Variants in CNTNAP5 observed in about 807,000 individuals in gnomAD.
The protein encoded by CNTNAP5 is contactin associated protein family member 5, also known as contactin-associated protein-like 5.
A neutral mutation model predicts 150.2 loss-of-function variants in CNTNAP5; 72 were observed. That is an observed-to-expected ratio of 0.48 (90% CI 0.40 to 0.58). CNTNAP5 has a LOEUF of 0.58. CNTNAP5 is among the 20% of genes least tolerant of loss of function. The pLI is 0.00. For missense variants in CNTNAP5, 1,636 were observed against 1,626.2 expected (o/e 1.01, Z -0.10); for synonymous variants, 672 against 619.8 (o/e 1.08, Z -1.25).
chr2:124,177,585 G>A (rs530903418), intron 1 of CNTNAP5, among the ~76,000 whole-genome samples: 2 of 152,172 alleles, frequency 1.3e-5, no homozygotes, highest in East Asian at 3.9e-4. Context: ...CCCTATTTAT[G>A]TTGGTGGCTT....
In CNTNAP5 at chr2:124,582,595, G is replaced by C. The variant is rs1275222431; in HGVS notation, c.1756+19272G>C. 3.3e-5 allele frequency among the ~76,000 whole-genome samples: 5 copies of C among 152,100 alleles called. No individual in the cohort carries two copies. The South Asian group carries it at 6.2e-4, about 19-fold the overall frequency. The stretch of plus-strand genomic sequence containing the variant: ...GCTGCCAGCTTGTCTGGATGACCTT[G>C]GAAATGATCCAGTTCTGATGGCCTG... On this transcript the variant is annotated intron_variant, in intron 11 of 23. Coordinates refer to ENST00000682447, the MANE Select transcript of CNTNAP5 (RefSeq NM_001367498.1).
At chr2:124,275,523 A>T (rs961660695) in intron 3 of CNTNAP5, among the ~76,000 whole-genome samples, 3 of 152,026 alleles carry the variant, frequency 2.0e-5, no homozygotes, top group Non-Finnish European at 4.4e-5. Flanking sequence ...GTCCTGACAC[A>T]TTACCTCATT....
intron 5 of CNTNAP5, among the ~76,000 whole-genome samples, chr2:124,438,680 A>G (rs1052469210): frequency 2.6e-5 from 4 of 152,158 alleles, no homozygotes; most frequent in African/African-American, 9.7e-5. Context: ...TGAACATTTA[A>G]TTTAGCTCTT....
chr2:124,309,210 T>TG (rs1185729820), intron 3 of CNTNAP5, among the ~76,000 whole-genome samples: 3 of 152,204 alleles, frequency 2.0e-5, no homozygotes, highest in African/African-American at 7.2e-5. Context: ...CTTGCTGTAC[T>TG]GTACTAACCT....
At chr2:124,209,172 A>T (rs1415782585) in intron 1 of CNTNAP5, among the ~76,000 whole-genome samples, 2 of 152,102 alleles carry the variant, frequency 1.3e-5, no homozygotes, top group African/African-American at 4.8e-5. Context: ...GGCCCTACAC[A>T]ACCAGGCTCT....
intron 22 of CNTNAP5, among the ~76,000 whole-genome samples, chr2:124,911,261 C>T (rs1307894180): frequency 6.6e-6 from 1 of 151,896 alleles, no homozygotes; most frequent in Non-Finnish European, 1.5e-5. Context: ...ACAAACAGGG[C>T]CATTGAACTA....
At chr2:124,566,964 T>A (rs1425417500) in intron 11 of CNTNAP5, among the ~76,000 whole-genome samples, 1 of 152,216 alleles carries the variant, frequency 6.6e-6, no homozygotes, top group East Asian at 1.9e-4. Context: ...CTTGCTGTGT[T>A]TGAGGGATGT....
chr2:124,399,933 A>G (rs1364448843), intron 3 of CNTNAP5, among the ~76,000 whole-genome samples: 1 of 152,030 alleles, frequency 6.6e-6, no homozygotes, highest in Admixed American at 6.6e-5. Flanking sequence ...CTAAACTATA[A>G]CGTCATACCA....
intron 11 of CNTNAP5, 72 bp downstream of exon 11, chr2:124,563,395 G>A: frequency 1.1e-6 from 1 of 887,830 alleles, no homozygotes; most frequent in Non-Finnish European, 1.8e-6. Context: ...ACTTCAGGAT[G>A]TATTTAGCAT....
At chr2:124,709,567 G>A (rs115021495) in intron 13 of CNTNAP5, among the ~76,000 whole-genome samples, 1,736 of 152,166 alleles carry the variant, frequency 0.011, 33 homozygotes, top group African/African-American at 0.04. Context: ...ACAGAGATTT[G>A]TGTAGTCAGT....
intron 3 of CNTNAP5, among the ~76,000 whole-genome samples, chr2:124,274,091 TTTC>T (rs1687825043): frequency 6.6e-6 from 1 of 152,234 alleles, no homozygotes; most frequent in South Asian, 2.1e-4. Context: ...GATATTATTA[TTTC>T]AATATATGAT....
At chr2:124,140,394 A>C (rs1248567741) in intron 1 of CNTNAP5, among the ~76,000 whole-genome samples, 3 of 149,222 alleles carry the variant, frequency 2.0e-5, no homozygotes, top group Non-Finnish European at 4.5e-5. Flanking sequence ...TCCCTGTCTG[A>C]CAGCTTTGAA....
chr2:124,252,641 C>T (rs1687215297), intron 3 of CNTNAP5, among the ~76,000 whole-genome samples: 1 of 152,114 alleles, frequency 6.6e-6, no homozygotes, highest in African/African-American at 2.4e-5. Flanking sequence ...ATACATTTGT[C>T]ATTTATTGAA....
Position 124,356,819 on chromosome 2 carries a change from C to T in CNTNAP5, c.382-60624C>T, listed in dbSNP as rs1474848780. On this transcript the variant is annotated intron_variant, in intron 3 of 23. Transcript: ENST00000682447. The stretch of plus-strand genomic sequence containing the variant: ...TGATTTATAGTCCTTTGGGTATATA[C>T]CCAGTAATGGGATGGCTGGGTCAAA... Among the ~76,000 whole-genome samples the T allele has an allele frequency of 5.9e-5, 9 of 151,408 alleles. No homozygotes were observed. The East Asian group carries it at 1.8e-3, about 30-fold the overall frequency.
intron 3 of CNTNAP5, among the ~76,000 whole-genome samples, chr2:124,416,069 G>A (rs1332070225): frequency 6.6e-6 from 1 of 151,978 alleles, no homozygotes; most frequent in Non-Finnish European, 1.5e-5. Flanking sequence ...AATATGAGTT[G>A]TAATCTTCCC....
chr2:124,808,322 C>T (rs1218424706), intron 19 of CNTNAP5, among the ~76,000 whole-genome samples: 1 of 152,070 alleles, frequency 6.6e-6, no homozygotes, highest in Non-Finnish European at 1.5e-5. Flanking sequence ...TGACATAAAG[C>T]AGGCCAGGCA....
chr2:124,506,367 A>C lies in CNTNAP5; in HGVS notation c.1327+1811A>C, dbSNP rs181499382. On this transcript the variant is annotated intron_variant, in intron 8 of 23. Transcript: ENST00000682447. Reference sequence around the variant, plus strand: ...AAAATGACTTTAAACAATTGCCTGGAGCATGGGTGCCTTGAGCTCAGGGGA... The same window carrying C: ...AAAATGACTTTAAACAATTGCCTGGCGCATGGGTGCCTTGAGCTCAGGGGA... 1.2e-4 allele frequency among the ~76,000 whole-genome samples: 18 copies of C among 152,260 alleles called. No homozygotes were observed. The East Asian group carries it at 3.3e-3, about 28-fold the overall frequency.
intron 19 of CNTNAP5, among the ~76,000 whole-genome samples, chr2:124,862,758 C>T (rs1011990042): frequency 2.0e-5 from 3 of 152,158 alleles, no homozygotes; most frequent in African/African-American, 7.2e-5. Flanking sequence ...TTCATGGGGT[C>T]AAACTTACTT....
intron 3 of CNTNAP5, among the ~76,000 whole-genome samples, chr2:124,349,208 C>A (rs374109835): frequency 2.6e-5 from 4 of 152,114 alleles, no homozygotes; most frequent in African/African-American, 9.7e-5. Context: ...GCACAGCCTA[C>A]TACACGCCTA....
Sources: gnomAD v4.1 joint callset for allele counts (sites outside exome capture counted in the v4.1 genomes callset) on GRCh38, gnomAD v4.1.1 for gene constraint, MANE v1.5 for transcripts, NCBI Gene and HGNC (gene_info 2026-07-23, HGNC 2026-07-21) for gene names.